The following PLEKHH2 variants were observed in gnomAD, a reference collection of about 807,000 sequenced individuals.
The protein encoded by PLEKHH2 is pleckstrin homology domain-containing family H member 2.
PLEKHH2 carries 129 observed loss-of-function variants against 187.9 expected under a neutral mutation model. The observed-to-expected ratio is 0.69, with a 90% CI of 0.59 to 0.79. The LOEUF is 0.79. Among genes scored for constraint, PLEKHH2 ranks in the 30% least tolerant of loss-of-function variants. The pLI, the probability that PLEKHH2 is intolerant of heterozygous loss-of-function variation, is 0.00. For synonymous variants in PLEKHH2, 686 were observed against 605.6 expected (o/e 1.13, Z -1.95); for missense variants, 2,076 against 1,751.2 (o/e 1.19, Z -3.31).
intron 16 of PLEKHH2, among the ~76,000 whole-genome samples, chr2:43,725,235 C>T (rs1392472450): frequency 6.6e-6 from 1 of 152,128 alleles, no homozygotes; most frequent in Non-Finnish European, 1.5e-5. Context: ...GTTTCTTTGT[C>T]CTGCTTATCT....
chr2:43,725,935 A>G (rs938352484), intron 16 of PLEKHH2, among the ~76,000 whole-genome samples: 1 of 150,794 alleles, frequency 6.6e-6, no homozygotes, highest in Non-Finnish European at 1.5e-5. Context: ...ATGTAGCAAG[A>G]CCCTATCTCC....
intron 2 of PLEKHH2, among the ~76,000 whole-genome samples, chr2:43,656,717 A>C (rs62138786): frequency 0.18 from 26,946 of 152,274 alleles, 2,498 homozygotes; most frequent in Middle Eastern, 0.3. Context: ...ATTTTTGTCC[A>C]TTAGAGAAAA....
At chr2:43,731,293 C>CA (rs1351804952) in intron 18 of PLEKHH2, among the ~76,000 whole-genome samples, 197 bp from the exon 19 acceptor site, 2 of 152,006 alleles carry the variant, frequency 1.3e-5, no homozygotes, top group East Asian at 1.9e-4. Flanking sequence ...AAACAAAACA[C>CA]AAAAAACAGT....
intron 24 of PLEKHH2, among the ~76,000 whole-genome samples, chr2:43,747,677 T>G (rs1001919164): frequency 6.6e-6 from 1 of 152,332 alleles, no homozygotes; most frequent in East Asian, 1.9e-4. Flanking sequence ...CAGCTCACAT[T>G]AATTATAACA....
chr2:43,693,723 C>CAA (rs70965316), intron 4 of PLEKHH2, among the ~76,000 whole-genome samples: 10 of 69,668 alleles, frequency 1.4e-4, no homozygotes, highest in East Asian at 4.2e-4. Flanking sequence ...GACTCCATCT[C>CAA]AAAAAAAAAA....
At chr2:43,642,723 G>A (rs1283871846) in intron 1 of PLEKHH2, among the ~76,000 whole-genome samples, 1 of 152,060 alleles carries the variant, frequency 6.6e-6, no homozygotes, top group Non-Finnish European at 1.5e-5. Flanking sequence ...TGATCATACG[G>A]TTTTTGTTCT....
At chr2:43,755,248 T>C (rs558193975) in intron 25 of PLEKHH2, among the ~76,000 whole-genome samples, 94 of 152,290 alleles carry the variant, frequency 6.2e-4, no homozygotes, top group Middle Eastern at 6.8e-3. Context: ...TTTATGATAC[T>C]GCCTCCACCC....
At chr2:43,673,316 T>C (rs754591650) in intron 2 of PLEKHH2, among the ~76,000 whole-genome samples, 36 of 152,234 alleles carry the variant, frequency 2.4e-4, no homozygotes, top group Non-Finnish European at 3.8e-4. Flanking sequence ...ATTATTTATA[T>C]ATTTAGATAA....
intron 2 of PLEKHH2, among the ~76,000 whole-genome samples, chr2:43,678,048 G>C (rs953584657): frequency 1.3e-5 from 2 of 151,554 alleles, no homozygotes; most frequent in African/African-American, 4.9e-5. Context: ...CGGCCTGGCA[G>C]AGACGCTCCT....
intron 2 of PLEKHH2, among the ~76,000 whole-genome samples, chr2:43,650,023 T>C (rs1442516198): frequency 6.6e-6 from 1 of 152,216 alleles, no homozygotes; most frequent in African/African-American, 2.4e-5. Flanking sequence ...TAGCAGTAAA[T>C]TAAGCACTTA....
chr2:43,658,884 G>C (rs1431815831), intron 2 of PLEKHH2: 1 of 152,066 alleles, frequency 6.6e-6, no homozygotes, highest in Non-Finnish European at 1.5e-5. Context: ...ATCATTGCGA[G>C]ACATTTAGAG....
At chr2:43,755,607 AGT>A (rs1672184715) in intron 25 of PLEKHH2, among the ~76,000 whole-genome samples, 1 of 152,196 alleles carries the variant, frequency 6.6e-6, no homozygotes, top group Non-Finnish European at 1.5e-5. Context: ...GTGAAGGGAC[AGT>A]GTGTGTCTCT....
At chr2:43,740,700 T>G (rs1023294885) in intron 20 of PLEKHH2, 8 of 407,308 alleles carry the variant, frequency 2.0e-5, no homozygotes, top group African/African-American at 1.5e-4. Context: ...GAGCACCTTG[T>G]CTGCTTGTGC....
chr2:43,675,591 A>G (rs763927351), intron 2 of PLEKHH2: 1 of 1,613,700 alleles, frequency 6.2e-7, no homozygotes, highest in Admixed American at 1.7e-5. Context: ...TTGGTTTTGT[A>G]TTAAATACAT....
chr2:43,719,561 T>A (rs914550299), intron 15 of PLEKHH2, among the ~76,000 whole-genome samples: 2 of 152,196 alleles, frequency 1.3e-5, no homozygotes, highest in Non-Finnish European at 2.9e-5. Context: ...TGTCTCAGCC[T>A]CCTGAGTAGC....
chr2:43,731,907 G>A (rs551138208), intron 19 of PLEKHH2, among the ~76,000 whole-genome samples: 49 of 152,154 alleles, frequency 3.2e-4, no homozygotes, highest in Non-Finnish European at 5.1e-4. Flanking sequence ...ACCAGGCACA[G>A]CAATGGGAGA....
Position 43,757,283 on chromosome 2 carries a change from CTCTT to C in PLEKHH2, c.3941+21_3941+24del. The C allele has an allele frequency of 6.6e-7, 1 of 1,526,252 alleles. No homozygotes were observed. The highest frequency in any genetic ancestry group is 1.3e-5 in the South Asian group (1 of 75,098). 94.5% of individuals were successfully genotyped at this position (1,526,252 alleles called of 1,614,324 possible). On this transcript the variant is annotated intron_variant, in intron 26 of 29. Coordinates refer to ENST00000282406, the MANE Select transcript of PLEKHH2 (RefSeq NM_172069.4). ...AGTTAAGGTAAGGAAATCTTTGTAA[CTCTT>C]TATAGGGTAGGGTCATACTAGTTTT...
At chr2:43,667,172 G>GGCT (rs142472088) in intron 2 of PLEKHH2, among the ~76,000 whole-genome samples, 11 of 152,096 alleles carry the variant, frequency 7.2e-5, no homozygotes, top group African/African-American at 2.7e-4. Flanking sequence ...TAAAGGAAAT[G>GGCT]TCATGTGGCT....
chr2:43,706,270 A>G (rs370739380), intron 9 of PLEKHH2, 52 bp from the exon 10 acceptor site: 4 of 1,236,750 alleles, frequency 3.2e-6, no homozygotes, highest in Non-Finnish European at 3.6e-6. Context: ...AAAAAGACCA[A>G]TGTGCTAATT....
Sources: allele counts gnomAD v4.1 joint callset (sites outside exome capture counted in the v4.1 genomes callset), GRCh38; gene constraint gnomAD v4.1.1; transcripts MANE v1.5; gene names NCBI Gene and HGNC (gene_info 2026-07-23, HGNC 2026-07-21).